NDUFB6: variants seen among roughly 807,000 people sequenced by gnomAD.
NDUFB6 encodes NADH dehydrogenase [ubiquinone] 1 beta subcomplex subunit 6.
In NDUFB6, 23 loss-of-function variants were observed where a neutral mutation model predicts 17.5. The observed-to-expected ratio is 1.31, with a 90% CI of 0.94 to 1.86. The LOEUF is 1.86. Among genes scored for constraint, NDUFB6 ranks in the 40% most tolerant of loss-of-function variants. The pLI, the probability that NDUFB6 is intolerant of heterozygous loss-of-function variation, is 0.00. For synonymous variants in NDUFB6, 60 were observed against 53.5 expected (o/e 1.12, Z -0.53); for missense variants, 167 against 153.8 (o/e 1.09, Z -0.46).
Position 32,573,069 on chromosome 9 carries a change from T to C in NDUFB6, c.-9A>G. On this transcript the variant is annotated 5_prime_UTR_variant, in exon 1 of 4. Coordinates refer to ENST00000379847, the MANE Select transcript of NDUFB6 (RefSeq NM_002493.5). Reference sequence around the variant, plus strand: ...GGAGTGTACCCCGTCATGTCGCCGCTGGTACCAACGCAAAAGGACACGGCG... The same window carrying C: ...GGAGTGTACCCCGTCATGTCGCCGCCGGTACCAACGCAAAAGGACACGGCG... The C allele has an allele frequency of 8.4e-6, 13 of 1,549,016 alleles. No homozygotes were observed. The highest frequency in any genetic ancestry group is 1.1e-5 in the Non-Finnish European group (13 of 1,146,116).
At chr9:32,555,663 A>G (rs1273324235) in intron 3 of NDUFB6, among the ~76,000 whole-genome samples, 2 of 152,244 alleles carry the variant, frequency 1.3e-5, no homozygotes, top group African/African-American at 4.8e-5. Flanking sequence ...AATGTTTGAA[A>G]TTAAAACAAC....
At chr9:32,566,150 A>G in intron 2 of NDUFB6, 2 of 687,254 alleles carry the variant, frequency 2.9e-6, no homozygotes, top group Middle Eastern at 2.5e-4. Flanking sequence ...TGTATATGTC[A>G]CTGGCGCTTT....
intron 2 of NDUFB6, among the ~76,000 whole-genome samples, chr9:32,569,911 T>A (rs1272718344): frequency 6.6e-6 from 1 of 152,228 alleles, no homozygotes; most frequent in African/African-American, 2.4e-5. Context: ...ATAACTTTTA[T>A]ATGCACTAGG....
chr9:32,557,470 C>CT (rs201117028), intron 3 of NDUFB6, among the ~76,000 whole-genome samples: 19 of 147,744 alleles, frequency 1.3e-4, no homozygotes, highest in South Asian at 4.3e-4. Flanking sequence ...ATACCCCCTA[C>CT]TTTTTTTTTT....
At position 32,570,826 on chromosome 9, in the gene NDUFB6, T is replaced by TGGAA. The variant is rs1821920070; in HGVS notation, c.273+133_273+134insTTCC. 22 of 528,542 alleles carry TGGAA rather than the reference T, an allele frequency of 4.2e-5. No individual in the cohort carries two copies. In the Admixed American group the frequency reaches 6.1e-4, roughly 15 times the overall value. 32.7% of individuals were successfully genotyped at this position (528,542 alleles called of 1,614,324 possible). ...ATTATGTAACTTTCATTAAACCTTTTACCTAAGAGAATTCAAAGTACTTCA... is the reference window on the plus strand; with the variant it reads ...ATTATGTAACTTTCATTAAACCTTTTGGAAACCTAAGAGAATTCAAAGTACTTCA... On this transcript the variant is annotated intron_variant, in intron 2 of 3. Coordinates refer to ENST00000379847, the MANE Select transcript of NDUFB6 (RefSeq NM_002493.5).
rs780205126 is a variant in NDUFB6, at chr9:32,558,925, C to T, written c.303G>A (p.Lys101=). The T allele has an allele frequency of 9.5e-6, 15 of 1,583,786 alleles. No homozygotes were observed. The highest frequency in any genetic ancestry group is 1.3e-5 in the Non-Finnish European group (15 of 1,155,634). ...TAAGACTTACAGGGAATATTCTGGA[C>T]TTCTTTTCAACTATGCCATATGGTT... ...SEKPYGIVEK[K]SRIFPGDTIL... is the part of the protein sequence containing the mutation. The change falls in exon 3 of 4, where the codon AAG becomes AAA. Residue 101 remains lysine, a synonymous_variant. Coordinates refer to ENST00000379847, the MANE Select transcript of NDUFB6 (RefSeq NM_002493.5).
At chr9:32,566,775 T>G in intron 2 of NDUFB6, 1 of 909,154 alleles carries the variant, frequency 1.1e-6, no homozygotes, top group Non-Finnish European at 1.8e-6. Flanking sequence ...GGCTGCGACG[T>G]TCTGGCTGAC....
In NDUFB6 at chr9:32,553,076, AG is replaced by A; in HGVS notation, c.*799del. On this transcript the variant is annotated 3_prime_UTR_variant, in exon 4 of 4. Coordinates refer to ENST00000379847, the MANE Select transcript of NDUFB6 (RefSeq NM_002493.5). ...TGCAAATTTTTCACTTAGAGATTTT[AG>A]TATTTTACATTCTCATGACAAAATT... The A allele has an allele frequency of 1.9e-6, 1 of 517,110 alleles. No individual in the cohort carries two copies. Among genetic ancestry groups the A allele is most frequent in the Non-Finnish European group, 3.4e-6 (1 of 292,758 alleles). The allele number at this position is 517,110 out of a possible 1,614,324, so 32.0% of individuals were successfully genotyped here. A position where few individuals can be genotyped will look rare whatever the true frequency, so the allele number is the denominator to read the frequency against.
chr9:32,563,889 T>C (rs1366649977), intron 2 of NDUFB6, among the ~76,000 whole-genome samples: 1 of 152,218 alleles, frequency 6.6e-6, no homozygotes, highest in African/African-American at 2.4e-5. Context: ...TCTGTGTCCT[T>C]TGAAATATGT....
At chr9:32,567,056 C>T (rs1308297466) in intron 2 of NDUFB6, 1 of 495,916 alleles carries the variant, frequency 2.0e-6, no homozygotes, top group Non-Finnish European at 4.1e-6. Flanking sequence ...CCGGCAGCTC[C>T]TGCCCGCCAT....
intron 2 of NDUFB6, chr9:32,566,874 G>C: frequency 3.1e-6 from 2 of 637,758 alleles, no homozygotes; most frequent in Admixed American, 4.5e-5. Context: ...TGAGCCACGC[G>C]TGCGGCTGGC....
chr9:32,555,673 C>G (rs1821436380), intron 3 of NDUFB6, among the ~76,000 whole-genome samples: 1 of 152,312 alleles, frequency 6.6e-6, no homozygotes, highest in East Asian at 1.9e-4. Context: ...ATTAAAACAA[C>G]CTCTGGCATT....
Position 32,571,129 on chromosome 9 carries a change from T to C in NDUFB6, c.181-77A>G. On this transcript the variant is annotated intron_variant, in intron 1 of 3. Coordinates refer to ENST00000379847, the MANE Select transcript of NDUFB6 (RefSeq NM_002493.5). ...ATGGCAGAACAAAAGGCATCAATGA[T>C]GTAACAATGCCATGACTATTTTACA... 6 of 943,864 alleles carry C rather than the reference T, an allele frequency of 6.4e-6. No individual in the cohort carries two copies. In the South Asian group the frequency reaches 8.9e-5, roughly 14 times the overall value. The allele number at this position is 943,864 out of a possible 1,614,324, so 58.5% of individuals were successfully genotyped here.
rs371120242 is a variant in NDUFB6, at chr9:32,573,108, C to T, written c.-48G>A. Reference sequence around the variant, plus strand: ...AAGGACACGGCGCACCCTCGAACTACGGACTAGTTACTTAAGCGCGCTCCC... The same window carrying T: ...AAGGACACGGCGCACCCTCGAACTATGGACTAGTTACTTAAGCGCGCTCCC... On this transcript the variant is annotated 5_prime_UTR_variant, in exon 1 of 4. Coordinates refer to ENST00000379847, the MANE Select transcript of NDUFB6 (RefSeq NM_002493.5). 2 of 1,472,006 alleles carry T rather than the reference C, an allele frequency of 1.4e-6. No homozygotes were observed. Among genetic ancestry groups the T allele is most frequent in the Non-Finnish European group, 1.8e-6 (2 of 1,109,682 alleles). 91.2% of individuals were successfully genotyped at this position (1,472,006 alleles called of 1,614,324 possible). A position where few individuals can be genotyped will look rare whatever the true frequency, so the allele number is the denominator to read the frequency against.
chr9:32,572,262 C>T (rs1821954601), intron 1 of NDUFB6, among the ~76,000 whole-genome samples: 1 of 152,160 alleles, frequency 6.6e-6, no homozygotes, highest in Non-Finnish European at 1.5e-5. Context: ...TACCCAGAGG[C>T]CTTGAAAATA....
intron 3 of NDUFB6, 36 bp downstream of exon 3, chr9:32,558,874 A>G: frequency 7.1e-7 from 1 of 1,398,720 alleles, no homozygotes; most frequent in Non-Finnish European, 9.9e-7. Context: ...GAGAAAAACA[A>G]TAAACAAAAG....
At position 32,573,106 on chromosome 9, in the gene NDUFB6, T is replaced by C. The variant is rs746858554; in HGVS notation, c.-46A>G. On this transcript the variant is annotated 5_prime_UTR_variant, in exon 1 of 4. Transcript: ENST00000379847. ...AAAAGGACACGGCGCACCCTCGAAC[T>C]ACGGACTAGTTACTTAAGCGCGCTC... is the stretch of plus-strand genomic sequence containing the variant. 8.1e-6 allele frequency: 12 copies of C among 1,475,810 alleles called. No individual in the cohort carries two copies. The highest frequency in any genetic ancestry group is 2.3e-5 in the Admixed American group (1 of 42,648). The allele number at this position is 1,475,810 out of a possible 1,614,324, so 91.4% of individuals were successfully genotyped here.
At chr9:32,566,128 G>A (rs369996505) in intron 2 of NDUFB6, 40 of 563,582 alleles carry the variant, frequency 7.1e-5, no homozygotes, top group South Asian at 5.2e-4. Flanking sequence ...GAACAAAGAC[G>A]AGAATATGGT....
intron 1 of NDUFB6, among the ~76,000 whole-genome samples, 157 bp downstream of exon 1, chr9:32,572,724 C>T (rs1274618952): frequency 6.6e-6 from 1 of 152,144 alleles, no homozygotes; most frequent in Non-Finnish European, 1.5e-5. Flanking sequence ...GGACTCCTGC[C>T]TCCCGAGACT....
Sources: gnomAD v4.1 joint callset for allele counts (sites outside exome capture counted in the v4.1 genomes callset) on GRCh38, gnomAD v4.1.1 for gene constraint, MANE v1.5 for transcripts, NCBI Gene and HGNC (gene_info 2026-07-23, HGNC 2026-07-21) for gene names.